The following MACROD2 variants were observed in gnomAD, a reference collection of about 807,000 sequenced individuals.
MACROD2 encodes mono-ADP ribosylhydrolase 2.
A neutral mutation model predicts 70.4 loss-of-function variants in MACROD2; 36 were observed. The ratio of observed to expected loss-of-function variants is 0.51; its 90% CI spans 0.39 to 0.68. The LOEUF (loss-of-function observed/expected upper bound fraction) is 0.68. Among genes scored for constraint, MACROD2 ranks in the 30% least tolerant of loss-of-function variants. MACROD2 has a pLI of 0.00. For missense variants in MACROD2, 496 were observed against 538.4 expected (o/e 0.92, Z 0.78); for synonymous variants, 172 against 178.8 (o/e 0.96, Z 0.30).
At chr20:15,907,513 A>G (rs560529557) in intron 10 of MACROD2, among the ~76,000 whole-genome samples, 1 of 152,348 alleles carries the variant, frequency 6.6e-6, no homozygotes, top group Non-Finnish European at 1.5e-5. Context: ...CTTGTCCATT[A>G]TATAACACCA....
At chr20:15,928,957 A>C (rs970150649) in intron 10 of MACROD2, among the ~76,000 whole-genome samples, 2 of 152,128 alleles carry the variant, frequency 1.3e-5, no homozygotes, top group African/African-American at 2.4e-5. Flanking sequence ...AATTTTTTTT[A>C]AAGTTAACTT....
At position 15,109,869 on chromosome 20, in the gene MACROD2, C is replaced by A. The variant is rs139841212; in HGVS notation, c.419-120071C>A. ...AGAATTTAGCATGAATAATATTTTTCACAAAGGCGAAAAGCCTTCTCGTTC... is the reference window on the plus strand; with the variant it reads ...AGAATTTAGCATGAATAATATTTTTAACAAAGGCGAAAAGCCTTCTCGTTC... On this transcript the variant is annotated intron_variant, in intron 5 of 17. Coordinates refer to ENST00000684519, the MANE Select transcript of MACROD2 (RefSeq NM_001351661.2). Among the ~76,000 whole-genome samples the A allele has an allele frequency of 1.7e-3, 259 of 151,858 alleles. 1 individual carries two copies. The highest frequency in any genetic ancestry group is 0.01 in the Middle Eastern group (3 of 294).
intron 15 of MACROD2, among the ~76,000 whole-genome samples, chr20:16,006,616 T>C (rs1460940177): frequency 6.6e-6 from 1 of 151,586 alleles, no homozygotes; most frequent in East Asian, 1.9e-4. Flanking sequence ...TGGAGTGGAG[T>C]AGTGCTTAAG....
chr20:14,198,965 C>T (rs926802498), intron 3 of MACROD2, among the ~76,000 whole-genome samples: 5 of 151,968 alleles, frequency 3.3e-5, no homozygotes, highest in African/African-American at 7.2e-5. Context: ...CTTACCTTCT[C>T]GCCTTTTCTC....
At chr20:15,928,144 G>T (rs911838244) in intron 10 of MACROD2, among the ~76,000 whole-genome samples, 2 of 152,164 alleles carry the variant, frequency 1.3e-5, no homozygotes, top group African/African-American at 4.8e-5. Context: ...GAATGTCCTT[G>T]TTTGTAGAAG....
intron 6 of MACROD2, among the ~76,000 whole-genome samples, chr20:15,249,164 T>C (rs1176888271): frequency 6.6e-6 from 1 of 152,110 alleles, no homozygotes; most frequent in Admixed American, 6.6e-5. Flanking sequence ...GTTCGAGATC[T>C]CCCTCTTGCA....
chr20:14,946,982 G>A (rs2074437894), intron 5 of MACROD2, among the ~76,000 whole-genome samples: 1 of 152,126 alleles, frequency 6.6e-6, no homozygotes, highest in Non-Finnish European at 1.5e-5. Flanking sequence ...AGACACAAAG[G>A]ACATTTATTT....
At chr20:15,265,163 A>G (rs1379822522) in intron 6 of MACROD2, among the ~76,000 whole-genome samples, 1 of 152,146 alleles carries the variant, frequency 6.6e-6, no homozygotes, top group Non-Finnish European at 1.5e-5. Context: ...AGAAGTGGCT[A>G]TTTGATCACC....
chr20:15,300,749 G>C (rs1303818769), intron 6 of MACROD2, among the ~76,000 whole-genome samples: 1 of 152,180 alleles, frequency 6.6e-6, no homozygotes, highest in Non-Finnish European at 1.5e-5. Flanking sequence ...CCTCAAGTGG[G>C]TAGGGTTAAG....
intron 3 of MACROD2, among the ~76,000 whole-genome samples, chr20:14,449,438 A>G (rs1266511932): frequency 6.6e-5 from 10 of 152,094 alleles, no homozygotes; most frequent in African/African-American, 1.5e-4. Flanking sequence ...GTACTATCCC[A>G]TGTTAGACAC....
chr20:14,530,401 A>G (rs184523458), intron 4 of MACROD2, among the ~76,000 whole-genome samples: 2 of 152,348 alleles, frequency 1.3e-5, no homozygotes, highest in Admixed American at 1.3e-4. Context: ...TTGTTTCGTC[A>G]AGAAGGGAAA....
rs59129207 is a variant in MACROD2 at position 15,227,823 on chromosome 20, GTTTTTTTTTTTTTT to G, written c.419-2104_419-2091del. ...TAACTGGTGTGATAGAATTTCACCT[GTTTTTTTTTTTTTT>G]TTTTTTTTTTTTCAAATTTAATTGA... On this transcript the variant is annotated intron_variant, in intron 5 of 17. Transcript: ENST00000684519. 8.7e-5 allele frequency among the ~76,000 whole-genome samples: 4 copies of G among 46,108 alleles called. 1 individual carries two copies. Among genetic ancestry groups the G allele is most frequent in the Admixed American group, 3.0e-4 (1 of 3,352 alleles). 30.2% of individuals were successfully genotyped at this position (46,108 alleles called of 152,430 possible).
At chr20:14,773,946 C>T (rs1039750703) in intron 5 of MACROD2, among the ~76,000 whole-genome samples, 7 of 152,074 alleles carry the variant, frequency 4.6e-5, no homozygotes, top group Non-Finnish European at 1.0e-4. Flanking sequence ...GAACTACCAC[C>T]TGATAGGAAA....
chr20:15,085,858 AACACACACACACACAACACACAC>A (rs1387194033), intron 5 of MACROD2, among the ~76,000 whole-genome samples: 20 of 135,860 alleles, frequency 1.5e-4, no homozygotes, highest in African/African-American at 5.0e-4. Flanking sequence ...AAAGATGAAT[AACACACACACACACAACACACAC>A]ACACACACAC....
intron 8 of MACROD2, among the ~76,000 whole-genome samples, chr20:15,675,020 T>C (rs2050037610): frequency 6.6e-6 from 1 of 152,178 alleles, no homozygotes; most frequent in Non-Finnish European, 1.5e-5. Context: ...ATCAGTTATA[T>C]TGGTTTTAAT....
chr20:15,946,820 G>A (rs1233388716), intron 12 of MACROD2, among the ~76,000 whole-genome samples: 1 of 152,190 alleles, frequency 6.6e-6, no homozygotes, highest in African/African-American at 2.4e-5. Flanking sequence ...ACAGGCACCG[G>A]TCTCTGAGTT....
intron 3 of MACROD2, among the ~76,000 whole-genome samples, chr20:14,194,370 G>C (rs1266623518): frequency 4.6e-5 from 7 of 152,206 alleles, no homozygotes; most frequent in Admixed American, 4.6e-4. Flanking sequence ...ACTTGAAAAT[G>C]ATGGGCAAAT....
intron 3 of MACROD2, among the ~76,000 whole-genome samples, chr20:14,353,120 A>G (rs888824116): frequency 6.6e-6 from 1 of 152,096 alleles, no homozygotes; most frequent in African/African-American, 2.4e-5. Flanking sequence ...CACTTGTGTA[A>G]AAGTCCAAAT....
intron 6 of MACROD2, among the ~76,000 whole-genome samples, chr20:15,261,921 G>T (rs424501): frequency 1.3e-5 from 2 of 151,442 alleles, no homozygotes; most frequent in Non-Finnish European, 2.9e-5. Context: ...AATTTTTGTG[G>T]GTACATGGTA....
Sources: allele counts gnomAD v4.1 joint callset (sites outside exome capture counted in the v4.1 genomes callset), GRCh38; gene constraint gnomAD v4.1.1; transcripts MANE v1.5; gene names NCBI Gene and HGNC (gene_info 2026-07-23, HGNC 2026-07-21).